The following CSNK1A1 variants were observed in gnomAD, a reference collection of about 807,000 sequenced individuals.
The protein encoded by CSNK1A1 is casein kinase 1 alpha 1, also known as casein kinase I isoform alpha.
A neutral mutation model predicts 46.1 loss-of-function variants in CSNK1A1; 7 were observed. The ratio of observed to expected loss-of-function variants is 0.15; its 90% CI spans 0.09 to 0.29. CSNK1A1 has a LOEUF of 0.29. CSNK1A1 is among the 10% of genes least tolerant of loss of function. CSNK1A1 has a pLI of 1.00. For synonymous variants in CSNK1A1, 137 were observed against 141.5 expected (o/e 0.97, Z 0.23); for missense variants, 96 against 417.1 (o/e 0.23, Z 6.71).
intron 2 of CSNK1A1, among the ~76,000 whole-genome samples, chr5:149,530,306 CA>C (rs1186039470): frequency 6.6e-6 from 1 of 151,996 alleles, no homozygotes; most frequent in African/African-American, 2.4e-5. Flanking sequence ...ACAAGAAATG[CA>C]AAAACACTCC....
rs181299143 is a variant in CSNK1A1 at position 149,550,363 on chromosome 5, T to G, written c.124-182A>C. 57 of 1,402,380 alleles carry G rather than the reference T, an allele frequency of 4.1e-5. No individual in the cohort carries two copies. The East Asian group carries it at 7.3e-4, about 18-fold the overall frequency. 86.9% of individuals were successfully genotyped at this position (1,402,380 alleles called of 1,614,324 possible). A position where few individuals can be genotyped will look rare whatever the true frequency, so the allele number is the denominator to read the frequency against. On this transcript the variant is annotated intron_variant, in intron 1 of 9. Coordinates refer to ENST00000377843, the MANE Select transcript of CSNK1A1 (RefSeq NM_001892.6). The surrounding 1 kb of genome is among the most constrained non-coding windows in gnomAD (Gnocchi z 4.3). ...CAGCCTCAAAGGCCTCTTCAGGGGG[T>G]AGTGACGAAATCCGTACGTCCTCTA...
chr5:149,503,765 CA>C (rs1473118743), intron 9 of CSNK1A1: 1 of 985,234 alleles, frequency 1.0e-6, no homozygotes, highest in East Asian at 1.1e-4. Flanking sequence ...AGTAAACTAA[CA>C]AAGAAACTAA....
intron 2 of CSNK1A1, chr5:149,549,648 G>C: frequency 3.1e-6 from 2 of 640,362 alleles, no homozygotes; most frequent in Non-Finnish European, 5.8e-6. Context: ...CACAACAAAA[G>C]AGCAGCCATT....
chr5:149,547,851 CTTTG>C lies in CSNK1A1; in HGVS notation c.230+2220_230+2223del, dbSNP rs1396668802. The stretch of plus-strand genomic sequence containing the variant: ...TTAAAACTGTAAATCAGCATTGGAA[CTTTG>C]TTTTTTTTTTTGTTGTGTTTTTTTG... On this transcript the variant is annotated intron_variant, in intron 2 of 9. Transcript: ENST00000377843. Among the ~76,000 whole-genome samples the C allele has an allele frequency of 5.3e-5, 8 of 151,354 alleles. No individual in the cohort carries two copies. The East Asian group carries it at 5.8e-4, about 11-fold the overall frequency.
In CSNK1A1 at chr5:149,494,372, C is replaced by G. The variant is rs1760599482; in HGVS notation, c.*2481G>C. On this transcript the variant is annotated 3_prime_UTR_variant, in exon 10 of 10. Coordinates refer to ENST00000377843, the MANE Select transcript of CSNK1A1 (RefSeq NM_001892.6). ...TATTCTTTTTTATTTCTTGTTATAC[C>G]TTCCCAAAACAGAGACATTCAACAG... 1 of 151,982 alleles carries G rather than the reference C, an allele frequency of 6.6e-6. No individual in the cohort carries two copies. The highest frequency in any genetic ancestry group is 1.5e-5 in the Non-Finnish European group (1 of 68,004). The allele number at this position is 151,982 out of a possible 1,614,324, so 9.4% of individuals were successfully genotyped here.
rs1243775217 is a variant in CSNK1A1, at chr5:149,494,913, A to C, written c.*1940T>G. ...GTGCATAGTAAATAAAAGCACTGAA[A>C]AATATCTTGCTAGAGGGAGTTCAGC... On this transcript the variant is annotated 3_prime_UTR_variant, in exon 10 of 10. Transcript: ENST00000377843. 6.6e-6 allele frequency: 1 copy of C among 152,236 alleles called. No individual in the cohort carries two copies. Among genetic ancestry groups the C allele is most frequent in the Non-Finnish European group, 1.5e-5 (1 of 68,040 alleles). 9.4% of individuals were successfully genotyped at this position (152,236 alleles called of 1,614,324 possible).
In CSNK1A1 at chr5:149,511,868, G is replaced by T. The variant is rs751862996; in HGVS notation, c.601C>A (p.Arg201=). The T allele has an allele frequency of 1.2e-6, 2 of 1,603,434 alleles. No individual in the cohort carries two copies. The highest frequency in any genetic ancestry group is 2.3e-5 in the South Asian group (2 of 88,350). ...NAHLGIEQSR[R]DDMESLGYVL... ...TATCCTAATGATTCCATGTCATCTC[G>T]GCGACTAGAAAAGAGAACGTAATTT... The change falls in exon 6 of 10, where the codon CGA becomes AGA. Residue 201 remains arginine, a synonymous_variant. Transcript: ENST00000377843.
chr5:149,505,487 G>C lies in CSNK1A1; in HGVS notation c.966C>G (p.Pro322=), dbSNP rs1383528752. ...SSGQGQQAQT[P]TGKQTDKTKS... is the part of the protein sequence containing the mutation. Reference sequence around the variant, plus strand: ...TGGTTTTGTCAGTTTGCTTGCCTGTGGGGGTTTGGGCCTGCTGACCCTGCC... The same window carrying C: ...TGGTTTTGTCAGTTTGCTTGCCTGTCGGGGTTTGGGCCTGCTGACCCTGCC... Residue 322 remains proline, a synonymous_variant, in exon 9 of 10, where the codon CCC becomes CCG. Transcript: ENST00000377843. The C allele has an allele frequency of 3.1e-6, 5 of 1,614,034 alleles. No individual in the cohort carries two copies. The South Asian group carries it at 5.5e-5, about 18-fold the overall frequency.
At chr5:149,537,378 G>A (rs554958929) in intron 2 of CSNK1A1, among the ~76,000 whole-genome samples, 158 of 152,074 alleles carry the variant, frequency 1.0e-3, no homozygotes, top group Admixed American at 6.6e-4. Context: ...TCCATCTCTA[G>A]TGAAAAACAA....
intron 9 of CSNK1A1, chr5:149,504,121 T>C: frequency 1.0e-6 from 1 of 985,016 alleles, no homozygotes; most frequent in Non-Finnish European, 1.2e-6. Flanking sequence ...CTATCCCAAC[T>C]GAGATGCAGA....
rs146295951 is a variant in CSNK1A1 at position 149,540,136 on chromosome 5, A to G, written c.230+9939T>C. 1.9e-4 allele frequency among the ~76,000 whole-genome samples: 29 copies of G among 152,338 alleles called. No individual in the cohort carries two copies. In the Middle Eastern group the frequency reaches 0.014, roughly 71 times the overall value. ...CTGATTCCATCAATATATACTACAC[A>G]TTAAAAAACCCTTAAGACCTTGTTG... On this transcript the variant is annotated intron_variant, in intron 2 of 9. Coordinates refer to ENST00000377843, the MANE Select transcript of CSNK1A1 (RefSeq NM_001892.6).
intron 2 of CSNK1A1, among the ~76,000 whole-genome samples, chr5:149,536,881 G>A (rs1240530906): frequency 6.6e-6 from 1 of 152,214 alleles, no homozygotes; most frequent in Non-Finnish European, 1.5e-5. Flanking sequence ...CCAGCAGCCA[G>A]AAACATAGGT....
At chr5:149,542,210 G>A (rs1762255746) in intron 2 of CSNK1A1, among the ~76,000 whole-genome samples, 1 of 151,874 alleles carries the variant, frequency 6.6e-6, no homozygotes, top group Non-Finnish European at 1.5e-5. Flanking sequence ...AGGGATCTAG[G>A]TTGTGCATTC....
chr5:149,547,634 C>T (rs1762521900), intron 2 of CSNK1A1, among the ~76,000 whole-genome samples: 1 of 151,018 alleles, frequency 6.6e-6, no homozygotes, highest in Non-Finnish European at 1.5e-5. Context: ...TAATGGAAAG[C>T]AAATCAGGGG....
intron 9 of CSNK1A1, chr5:149,504,892 A>G (rs1347684159): frequency 2.0e-6 from 2 of 985,392 alleles, no homozygotes; most frequent in African/African-American, 3.5e-5. Context: ...AGAAAATGAG[A>G]TGCTCTGCAA....
chr5:149,542,629 T>A (rs1465143987), intron 2 of CSNK1A1, among the ~76,000 whole-genome samples: 4 of 13,962 alleles, frequency 2.9e-4, no homozygotes, highest in African/African-American at 5.0e-4. Flanking sequence ...TATATATATA[T>A]ATATATATAT....
chr5:149,534,898 T>C (rs1436601862), intron 2 of CSNK1A1, among the ~76,000 whole-genome samples: 47 of 146,856 alleles, frequency 3.2e-4, no homozygotes, highest in Non-Finnish European at 6.1e-4. Flanking sequence ...CACTGAGACC[T>C]TGTCTCCCAA....
intron 9 of CSNK1A1, chr5:149,502,027 T>C: frequency 3.1e-6 from 3 of 977,612 alleles, no homozygotes; most frequent in Non-Finnish European, 3.6e-6. Context: ...GAATGGAGTA[T>C]TTGAAAAGAT....
rs1043706472 is a variant in CSNK1A1 at position 149,550,382 on chromosome 5, T to C, written c.124-201A>G. The C allele has an allele frequency of 5.1e-6, 7 of 1,367,188 alleles. No homozygotes were observed. In the African/African-American group the frequency reaches 5.9e-5, roughly 12 times the overall value. 84.7% of individuals were successfully genotyped at this position (1,367,188 alleles called of 1,614,324 possible). The stretch of plus-strand genomic sequence containing the variant: ...AGGGGGTAGTGACGAAATCCGTACG[T>C]CCTCTAAAGTGCAGGAAAATGATTC... On this transcript the variant is annotated intron_variant, in intron 1 of 9. Transcript: ENST00000377843. This position sits in a 1 kb window ranked among gnomAD's most constrained non-coding sequence, Gnocchi z 4.3.
Sources: allele counts gnomAD v4.1 joint callset (sites outside exome capture counted in the v4.1 genomes callset), GRCh38; gene constraint gnomAD v4.1.1; non-coding constraint Gnocchi (gnomAD v3.1); transcripts MANE v1.5; gene names NCBI Gene and HGNC (gene_info 2026-07-23, HGNC 2026-07-21).